Variants in COL22A1 observed in about 807,000 individuals in gnomAD.
The protein encoded by COL22A1 is collagen alpha-1(XXII) chain.
Under a neutral mutation model 248.9 loss-of-function variants are expected in COL22A1, and 221 were observed. That is an observed-to-expected ratio of 0.89 (90% CI 0.80 to 0.99). COL22A1 has a LOEUF of 0.99. Among genes scored for constraint, COL22A1 ranks in the 50% least tolerant of loss-of-function variants. The pLI is 0.00. For missense variants in COL22A1, 2,240 were observed against 2,179.0 expected, an observed-to-expected ratio of 1.03 and a Z score of -0.56; for synonymous variants, 891 against 793.4, an observed-to-expected ratio of 1.12 and a Z score of -2.07.
chr8:138,871,853 A>G (rs936011844), intron 3 of COL22A1, among the ~76,000 whole-genome samples: 1 of 152,238 alleles, frequency 6.6e-6, no homozygotes, highest in African/African-American at 2.4e-5. Flanking sequence ...TGCAAAACAG[A>G]CTTTCAAGTG....
chr8:138,887,156 T>C (rs1325667117), intron 1 of COL22A1, among the ~76,000 whole-genome samples: 3 of 152,116 alleles, frequency 2.0e-5, no homozygotes, highest in Non-Finnish European at 4.4e-5. Flanking sequence ...TTCTATTCTT[T>C]TACCTGTTAA....
intron 12 of COL22A1, among the ~76,000 whole-genome samples, chr8:138,786,386 C>T (rs757128566): frequency 1.2e-4 from 19 of 152,148 alleles, no homozygotes; most frequent in Non-Finnish European, 2.6e-4. Context: ...TTTTAAGAAA[C>T]ATCCACCTGC....
At chr8:138,827,624 T>G (rs1290112628) in intron 5 of COL22A1, among the ~76,000 whole-genome samples, 1 of 151,994 alleles carries the variant, frequency 6.6e-6, no homozygotes, top group African/African-American at 2.4e-5. Flanking sequence ...CTCAGCTCCC[T>G]GTTGCTCCAC....
chr8:138,732,502 T>A (rs1472221124), intron 23 of COL22A1, among the ~76,000 whole-genome samples: 1 of 152,206 alleles, frequency 6.6e-6, no homozygotes, highest in Non-Finnish European at 1.5e-5. Flanking sequence ...GGAGGCCCCT[T>A]CTTCAAATCA....
chr8:138,778,273 G>C (rs766311760), intron 15 of COL22A1, 80 bp downstream of exon 15: 13 of 1,494,966 alleles, frequency 8.7e-6, no homozygotes, highest in Non-Finnish European at 1.1e-5. Context: ...CTAGATGCAG[G>C]TGGAGGAACT....
chr8:138,641,402 T>A (rs184194958), intron 47 of COL22A1, among the ~76,000 whole-genome samples: 6 of 152,138 alleles, frequency 3.9e-5, no homozygotes, highest in African/African-American at 1.4e-4. Flanking sequence ...ACGCTTTTCG[T>A]AGGGGACAGA....
Position 138,760,237 on chromosome 8 carries a change from G to C in COL22A1, c.1902+6C>G, listed in dbSNP as rs73437386. The C allele has an allele frequency of 6.4e-7, 1 of 1,570,286 alleles. No homozygotes were observed. The highest frequency in any genetic ancestry group is 1.8e-5 in the Admixed American group (1 of 54,436). On this transcript the variant is annotated splice_donor_region_variant and intron_variant, in intron 18 of 64. Coordinates refer to ENST00000303045, the MANE Select transcript of COL22A1 (RefSeq NM_152888.3). ...CAGAGCCCTTGACAGCCCCAGGCTC[G>C]CTCACCTTTTCTCCCTGGGGTCCTG...
At chr8:138,754,669 A>G (rs1372291166) in intron 21 of COL22A1, among the ~76,000 whole-genome samples, 3 of 152,214 alleles carry the variant, frequency 2.0e-5, no homozygotes. Flanking sequence ...CCGCTTCCCA[A>G]CTGGTGATTT....
In COL22A1 at chr8:138,821,317, C is replaced by A; in HGVS notation, c.1064G>T (p.Arg355Leu). 1 of 1,614,132 alleles carries A rather than the reference C, an allele frequency of 6.2e-7. No homozygotes were observed. Among genetic ancestry groups the A allele is most frequent in the Non-Finnish European group, 8.5e-7 (1 of 1,180,006 alleles). Reference protein sequence around the residue: ...DAVRVVFRGSRVNDLFDRDWH... With the variant: ...DAVRVVFRGSLVNDLFDRDWH... The stretch of plus-strand genomic sequence containing the variant: ...GTCCCGGTCAAAGAGGTCATTGACC[C>A]GAGAACCTCGGAAGACCACCCTGAC... Residue 355 changes from arginine to leucine, a missense_variant, in exon 7 of 65, where the codon CGG becomes CTG. Coordinates refer to ENST00000303045, the MANE Select transcript of COL22A1 (RefSeq NM_152888.3).
At chr8:138,704,422 G>A (rs967369154) in intron 30 of COL22A1, among the ~76,000 whole-genome samples, 4 of 152,214 alleles carry the variant, frequency 2.6e-5, no homozygotes, top group Admixed American at 6.5e-5. Flanking sequence ...CCTCTGAGAC[G>A]AAGCTTCCAG....
chr8:138,605,272 T>C (rs1818334354), intron 58 of COL22A1, among the ~76,000 whole-genome samples: 1 of 152,206 alleles, frequency 6.6e-6, no homozygotes, highest in Admixed American at 6.5e-5. Context: ...CAAGGATTAC[T>C]GTGAGGTGTC....
intron 45 of COL22A1, among the ~76,000 whole-genome samples, chr8:138,652,055 G>GC (rs1313977731): frequency 6.6e-6 from 1 of 152,166 alleles, no homozygotes; most frequent in African/African-American, 2.4e-5. Context: ...AATCCAGTGA[G>GC]CATAGGGTGA....
At chr8:138,603,722 A>G (rs1025563240) in intron 59 of COL22A1, among the ~76,000 whole-genome samples, 1 of 152,162 alleles carries the variant, frequency 6.6e-6, no homozygotes, top group African/African-American at 2.4e-5. Context: ...AGTGAGTGGC[A>G]CCCTATGGCT....
At chr8:138,823,847 A>G (rs1819359787) in intron 6 of COL22A1, among the ~76,000 whole-genome samples, 1 of 152,340 alleles carries the variant, frequency 6.6e-6, no homozygotes, top group East Asian at 1.9e-4. Flanking sequence ...GTGGCTAGGA[A>G]AACACATGGT....
intron 3 of COL22A1, among the ~76,000 whole-genome samples, chr8:138,876,843 G>T (rs1338782647): frequency 9.2e-5 from 14 of 152,230 alleles, no homozygotes; most frequent in Non-Finnish European, 7.3e-5. Flanking sequence ...AGAGGCTGAG[G>T]CTCCACACTC....
At chr8:138,653,967 G>C (rs78900671) in intron 45 of COL22A1, among the ~76,000 whole-genome samples, 7,763 of 152,302 alleles carry the variant, frequency 0.051, 250 homozygotes, top group South Asian at 0.15. Flanking sequence ...TACCCTGCAC[G>C]TAGGCGCTTG....
Position 138,660,437 on chromosome 8 carries a change from G to A in COL22A1, c.3284C>T (p.Pro1095Leu), listed in dbSNP as rs759766212. The change falls in exon 44 of 65, where the codon CCG (proline) becomes CTG (leucine). Residue 1095 changes from proline (P) to leucine (L), a missense_variant and splice_region_variant. By Grantham distance (98) the Pro-to-Leu change is moderately conservative. Transcript: ENST00000303045. ...ATCCAGAACCATAAGATGACATACC[G>A]GCTTGCCAGGAGGCCCTCTTTCTCC... ...NPGERGPPGK[P>L]GLSSLLSPGD... 54 of 1,612,858 alleles carry A rather than the reference G, an allele frequency of 3.3e-5. No individual in the cohort carries two copies. The highest frequency in any genetic ancestry group is 1.2e-4 in the Admixed American group (7 of 60,002).
intron 60 of COL22A1, 118 bp downstream of exon 60, chr8:138,601,997 G>T: frequency 2.0e-6 from 2 of 995,278 alleles, no homozygotes; most frequent in Non-Finnish European, 3.2e-6. Flanking sequence ...CACTACAGGC[G>T]GCATGATCCA....
chr8:138,844,128 C>T lies in COL22A1; in HGVS notation c.689G>A (p.Gly230Glu). 1 of 1,613,598 alleles carries T rather than the reference C, an allele frequency of 6.2e-7. No individual in the cohort carries two copies. Among genetic ancestry groups the T allele is most frequent in the South Asian group, 1.1e-5 (1 of 91,012 alleles). ...TCCATTGGTGTGCTTAAAGCGATCT[C>T]CTTCTACACGAACGCTAGGACAGAG... Reference protein sequence around the residue: ...NVLCPSVRVEGDRFKHTNGGT... With the variant: ...NVLCPSVRVEEDRFKHTNGGT... The change falls in exon 4 of 65, where the codon GGA (glycine) becomes GAA (glutamate). Residue 230 changes from glycine (G) to glutamate (E), a missense_variant. By Grantham distance (98) the Gly-to-Glu change is moderately conservative (BLOSUM62 -2). Coordinates refer to ENST00000303045, the MANE Select transcript of COL22A1 (RefSeq NM_152888.3).
Sources: allele counts gnomAD v4.1 joint callset (sites outside exome capture counted in the v4.1 genomes callset), GRCh38; gene constraint gnomAD v4.1.1; transcripts MANE v1.5; gene names NCBI Gene and HGNC (gene_info 2026-07-23, HGNC 2026-07-21).